The following KCTD13 variants were observed in gnomAD, a reference collection of about 807,000 sequenced individuals.
KCTD13 encodes the protein BTB/POZ domain-containing adapter for CUL3-mediated RhoA degradation protein 1.
KCTD13 carries 15 observed loss-of-function variants against 32.3 expected under a neutral mutation model. The observed-to-expected ratio is 0.46, with a 90% CI of 0.31 to 0.71. The LOEUF is 0.71. Among genes scored for constraint, KCTD13 ranks in the 30% least tolerant of loss-of-function variants. The probability of loss-of-function intolerance (pLI) is 0.05; values close to 1 mark genes in which losing one functional copy is unlikely to be tolerated. For missense variants in KCTD13, 337 were observed against 452.6 expected, an observed-to-expected ratio of 0.74 and a Z score of 2.32; for synonymous variants, 189 against 200.1, an observed-to-expected ratio of 0.94 and a Z score of 0.47.
chr16:29,906,941 C>G lies in KCTD13; in HGVS notation c.921G>C (p.Arg307Ser). 1 of 1,614,178 alleles carries G rather than the reference C, an allele frequency of 6.2e-7. No homozygotes were observed. Among genetic ancestry groups the G allele is most frequent in the Non-Finnish European group, 8.5e-7 (1 of 1,180,034 alleles). Residue 307 changes from arginine to serine, a missense_variant, in exon 6 of 6, where the codon AGG (arginine) becomes AGC (serine). Arg to Ser is a moderately radical substitution (Grantham distance 110). Transcript: ENST00000568000. ...DEENREHRVR[R>S]IHVRRHITHD... is the part of the protein sequence containing the mutation. Reference sequence around the variant, plus strand: ...GGGTGATATGGCGCCGGACATGGATCCTGCGGACACGGTGCTCTCGGTTCT... The same window carrying G: ...GGGTGATATGGCGCCGGACATGGATGCTGCGGACACGGTGCTCTCGGTTCT...
intron 1 of KCTD13, among the ~76,000 whole-genome samples, chr16:29,924,311 T>A (rs1000097510): frequency 2.0e-5 from 3 of 152,144 alleles, no homozygotes; most frequent in Non-Finnish European, 4.4e-5. Flanking sequence ...CTCCCTTAAG[T>A]TTTTATACAT....
rs556024724 is a variant in KCTD13 at position 29,906,529 on chromosome 16, T to C, written c.*343A>G. On this transcript the variant is annotated 3_prime_UTR_variant, in exon 6 of 6. Coordinates refer to ENST00000568000, the MANE Select transcript of KCTD13 (RefSeq NM_178863.5). The stretch of plus-strand genomic sequence containing the variant: ...CGGGAGGCTGCTCAGACTGTGGTGA[T>C]GTCAGGAAGGGCCGCACACTTTGGC... 2.1e-6 allele frequency: 1 copy of C among 485,106 alleles called. No homozygotes were observed. Among genetic ancestry groups the C allele is most frequent in the Admixed American group, 2.3e-5 (1 of 43,296 alleles). The allele number at this position is 485,106 out of a possible 1,614,324, so 30.1% of individuals were successfully genotyped here. A position where few individuals can be genotyped will look rare whatever the true frequency, so the allele number is the denominator to read the frequency against.
At chr16:29,920,746 G>A (rs2068896399) in intron 2 of KCTD13, 1 of 152,216 alleles carries the variant, frequency 6.6e-6, no homozygotes, top group Non-Finnish European at 1.5e-5. Context: ...GCCATGTCTT[G>A]ATGAGGACAT....
intron 2 of KCTD13, chr16:29,913,301 G>C (rs1361016247): frequency 6.6e-6 from 1 of 151,964 alleles, no homozygotes; most frequent in Non-Finnish European, 1.5e-5. Flanking sequence ...TATTAAGATA[G>C]GCTGCAAAGC....
intron 1 of KCTD13, among the ~76,000 whole-genome samples, chr16:29,924,745 G>C (rs1387783977): frequency 1.5e-5 from 2 of 137,274 alleles, no homozygotes; most frequent in Non-Finnish European, 3.0e-5. Flanking sequence ...TTTTGAGACA[G>C]TCTCTCTCTG....
chr16:29,911,148 TC>T lies in KCTD13; in HGVS notation c.582del (p.Asn195ThrfsTer70), dbSNP rs1196058057. The T allele has an allele frequency of 6.2e-7, 1 of 1,614,034 alleles. No individual in the cohort carries two copies. The highest frequency in any genetic ancestry group is 8.5e-7 in the Non-Finnish European group (1 of 1,179,974). On this transcript the variant is annotated frameshift_variant, in exon 5 of 6. Coordinates refer to ENST00000568000, the MANE Select transcript of KCTD13 (RefSeq NM_178863.5). LOFTEE classifies it high-confidence loss of function. ...YTSTSDDNLL[K>X]NIELFDKLAL... Reference sequence around the variant, plus strand: ...GCCAGCTTGTCGAACAGCTCGATGTTCTTAAGTAGGTTGTCATCTGAAGTGC... The same window carrying T: ...GCCAGCTTGTCGAACAGCTCGATGTTTTAAGTAGGTTGTCATCTGAAGTGC...
chr16:29,916,907 T>C (rs922950840), intron 2 of KCTD13, among the ~76,000 whole-genome samples: 2 of 152,152 alleles, frequency 1.3e-5, no homozygotes, highest in African/African-American at 4.8e-5. Context: ...GGGGAGTCTG[T>C]GCTTGCTGTC....
At chr16:29,924,050 T>G (rs2068957210) in intron 1 of KCTD13, among the ~76,000 whole-genome samples, 1 of 151,138 alleles carries the variant, frequency 6.6e-6, no homozygotes, top group Non-Finnish European at 1.5e-5. Context: ...GGCGCATGCC[T>G]GTAATCCCAG....
intron 5 of KCTD13, among the ~76,000 whole-genome samples, chr16:29,910,732 A>G (rs1164192542): frequency 6.6e-6 from 1 of 152,140 alleles, no homozygotes; most frequent in Non-Finnish European, 1.5e-5. Flanking sequence ...CAGGAGTTGC[A>G]AACAGCCTTG....
chr16:29,909,879 G>A (rs1416543786), intron 5 of KCTD13, among the ~76,000 whole-genome samples: 2 of 151,682 alleles, frequency 1.3e-5, no homozygotes, highest in Non-Finnish European at 2.9e-5. Flanking sequence ...ATACCAGCCT[G>A]ACCAACATGG....
intron 4 of KCTD13, 62 bp downstream of exon 4, chr16:29,911,753 G>T: frequency 1.3e-6 from 2 of 1,582,322 alleles, no homozygotes; most frequent in Non-Finnish European, 8.7e-7. Context: ...CTCGCCTTGG[G>T]CAGAAGCAGG....
intron 1 of KCTD13, 88 bp downstream of exon 1, chr16:29,925,702 G>T: frequency 1.5e-6 from 2 of 1,343,996 alleles, no homozygotes; most frequent in Admixed American, 1.9e-5. Flanking sequence ...GCAGAGAGAA[G>T]GGGCATGAGG....
In KCTD13 at chr16:29,916,241, A is replaced by G. The variant is rs888940160; in HGVS notation, c.415-4192T>C. Among the ~76,000 whole-genome samples the G allele has an allele frequency of 2.0e-5, 3 of 152,214 alleles. No homozygotes were observed. The East Asian group carries it at 5.8e-4, about 29-fold the overall frequency. On this transcript the variant is annotated intron_variant, in intron 2 of 5. Coordinates refer to ENST00000568000, the MANE Select transcript of KCTD13 (RefSeq NM_178863.5). ...AAGGTCACTGGACTCTTATTAACAG[A>G]CTTTCTCACCTTTTTTCTTTTAATT...
chr16:29,916,140 CA>C (rs2150839737), intron 2 of KCTD13, among the ~76,000 whole-genome samples: 1 of 152,300 alleles, frequency 6.6e-6, no homozygotes, highest in South Asian at 2.1e-4. Flanking sequence ...TCTGCCGCTA[CA>C]CAAGGATCTC....
Position 29,926,185 on chromosome 16 carries a change from C to T in KCTD13, c.-152G>A, listed in dbSNP as rs1377941572. 4 of 909,500 alleles carry T rather than the reference C, an allele frequency of 4.4e-6. No homozygotes were observed. Among genetic ancestry groups the T allele is most frequent in the Non-Finnish European group, 4.5e-6 (3 of 659,372 alleles). The allele number at this position is 909,500 out of a possible 1,614,324, so 56.3% of individuals were successfully genotyped here. A position where few individuals can be genotyped will look rare whatever the true frequency, so the allele number is the denominator to read the frequency against. ...CTACTCTGCAAGACCGGCCCTCCGC[C>T]CCATCTCGCTCGCACCACCCGGAAG... On this transcript the variant is annotated 5_prime_UTR_variant, in exon 1 of 6. Coordinates refer to ENST00000568000, the MANE Select transcript of KCTD13 (RefSeq NM_178863.5).
chr16:29,925,580 T>C (rs1159621145), intron 1 of KCTD13: 2 of 591,706 alleles, frequency 3.4e-6, no homozygotes, highest in Non-Finnish European at 6.0e-6. Context: ...TGTTGGTTAT[T>C]GCTGGGGGTA....
chr16:29,917,028 T>C (rs185027195), intron 2 of KCTD13, among the ~76,000 whole-genome samples: 1 of 152,370 alleles, frequency 6.6e-6, no homozygotes, highest in Admixed American at 6.5e-5. Context: ...GAAGCTGTAA[T>C]GTCTTTTATG....
chr16:29,906,982 G>T lies in KCTD13; in HGVS notation c.880C>A (p.Arg294Ser). The T allele has an allele frequency of 6.2e-7, 1 of 1,614,128 alleles. No individual in the cohort carries two copies. Among genetic ancestry groups the T allele is most frequent in the South Asian group, 1.1e-5 (1 of 91,074 alleles). Residue 294 changes from arginine (R) to serine (S), a missense_variant, in exon 6 of 6, where the codon CGC (arginine) becomes AGC (serine). By Grantham distance (110) the Arg-to-Ser change is moderately radical (BLOSUM62 -1). Transcript: ENST00000568000. Reference protein sequence around the residue: ...GGAAGAGGAGRGEDEENREHR... With the variant: ...GGAAGAGGAGSGEDEENREHR... The stretch of plus-strand genomic sequence containing the variant: ...TCTCGGTTCTCTTCATCCTCCCCGC[G>T]GCCAGCCCCACCAGCTCCAGCTGCT...
At chr16:29,918,617 C>T (rs1180849750) in intron 2 of KCTD13, among the ~76,000 whole-genome samples, 2 of 151,426 alleles carry the variant, frequency 1.3e-5, no homozygotes, top group Non-Finnish European at 2.9e-5. Context: ...ACTACAGGCA[C>T]CCACCACCAC....
Sources: allele counts gnomAD v4.1 joint callset (sites outside exome capture counted in the v4.1 genomes callset), GRCh38; gene constraint gnomAD v4.1.1; transcripts MANE v1.5; gene names NCBI Gene and HGNC (gene_info 2026-07-23, HGNC 2026-07-21).